PAIP2B: variants seen among roughly 807,000 people sequenced by gnomAD.
PAIP2B encodes polyadenylate-binding protein-interacting protein 2B.
PAIP2B carries 13 observed loss-of-function variants against 17.0 expected under a neutral mutation model. The ratio of observed to expected loss-of-function variants is 0.76; its 90% CI spans 0.50 to 1.22. The LOEUF (loss-of-function observed/expected upper bound fraction) is 1.22, where lower values mean the gene tolerates loss of function less well. PAIP2B is among the 50% of genes most tolerant of loss of function. The probability of loss-of-function intolerance (pLI) is 0.00; values close to 1 mark genes in which losing one functional copy is unlikely to be tolerated. For missense variants in PAIP2B, 117 were observed against 144.5 expected, an observed-to-expected ratio of 0.81 and a Z score of 0.98; for synonymous variants, 43 against 48.7, an observed-to-expected ratio of 0.88 and a Z score of 0.48.
chr2:71,209,876 G>A (rs532274283), intron 1 of PAIP2B, among the ~76,000 whole-genome samples: 99 of 151,778 alleles, frequency 6.5e-4, no homozygotes, highest in Non-Finnish European at 1.1e-3. Flanking sequence ...CCAGGCTGGA[G>A]TACAGTGGCG....
chr2:71,210,395 C>T (rs185695129), intron 1 of PAIP2B, among the ~76,000 whole-genome samples: 114 of 152,176 alleles, frequency 7.5e-4, no homozygotes, highest in African/African-American at 2.5e-3. Flanking sequence ...CATTTATTTC[C>T]AGAGCAGCTG....
intron 2 of PAIP2B, among the ~76,000 whole-genome samples, chr2:71,193,939 T>A (rs1312667139): frequency 6.6e-6 from 1 of 152,224 alleles, no homozygotes; most frequent in African/African-American, 2.4e-5. Flanking sequence ...CTTCTGCATA[T>A]GGCTAGCCGG....
chr2:71,202,552 A>C lies in PAIP2B; in HGVS notation c.38T>G (p.Val13Gly). The change falls in exon 2 of 4, where the codon GTA (valine) becomes GGA (glycine). Residue 13 changes from valine (V) to glycine (G), a missense_variant. Coordinates refer to ENST00000244221, the MANE Select transcript of PAIP2B (RefSeq NM_020459.1). ...TAACCCCTGGTCCTCTTTGGATTTTACACTCGGTGATGTATTTGCCATATT... is the reference window on the plus strand; with the variant it reads ...TAACCCCTGGTCCTCTTTGGATTTTCCACTCGGTGATGTATTTGCCATATT... ...GSNMANTSPS[V>G]KSKEDQGLSG... The C allele has an allele frequency of 6.2e-7, 1 of 1,613,674 alleles. No individual in the cohort carries two copies. The highest frequency in any genetic ancestry group is 8.5e-7 in the Non-Finnish European group (1 of 1,179,710).
chr2:71,208,315 T>TCGGA (rs769148366), intron 1 of PAIP2B, among the ~76,000 whole-genome samples: 8 of 152,120 alleles, frequency 5.3e-5, no homozygotes, highest in Admixed American at 1.3e-4. Flanking sequence ...TCCCAGCTAC[T>TCGGA]CGGAGGCTGA....
At chr2:71,193,209 T>A (rs1194027800) in intron 2 of PAIP2B, among the ~76,000 whole-genome samples, 1 of 152,260 alleles carries the variant, frequency 6.6e-6, no homozygotes, top group Non-Finnish European at 1.5e-5. Context: ...TGAGCTTTTT[T>A]TCATATGCTT....
intron 1 of PAIP2B, among the ~76,000 whole-genome samples, chr2:71,217,917 A>G (rs1182358365): frequency 6.6e-6 from 1 of 152,096 alleles, no homozygotes; most frequent in Non-Finnish European, 1.5e-5. Context: ...AAATTTTTCA[A>G]ATCTGCTGGG....
intron 1 of PAIP2B, among the ~76,000 whole-genome samples, chr2:71,207,750 G>A (rs1043026103): frequency 1.3e-5 from 2 of 152,154 alleles, no homozygotes; most frequent in Non-Finnish European, 2.9e-5. Context: ...GGGAGTCAGA[G>A]TGAGGGAAAT....
At chr2:71,198,958 T>C (rs1422674563) in intron 2 of PAIP2B, among the ~76,000 whole-genome samples, 2 of 152,214 alleles carry the variant, frequency 1.3e-5, no homozygotes, top group African/African-American at 4.8e-5. Context: ...ATGATCTTTG[T>C]TCCTATTCAT....
chr2:71,199,855 A>G (rs1277483548), intron 2 of PAIP2B, among the ~76,000 whole-genome samples: 1 of 152,196 alleles, frequency 6.6e-6, no homozygotes, highest in Non-Finnish European at 1.5e-5. Flanking sequence ...GCAAGACCCC[A>G]TTTCTTAAAA....
intron 1 of PAIP2B, among the ~76,000 whole-genome samples, chr2:71,226,046 A>C (rs541905531): frequency 4.6e-4 from 70 of 152,350 alleles, no homozygotes; most frequent in African/African-American, 1.6e-3. Context: ...AATAGTAACA[A>C]AATTTAAATC....
At chr2:71,213,454 G>A (rs576167750) in intron 1 of PAIP2B, among the ~76,000 whole-genome samples, 2 of 152,302 alleles carry the variant, frequency 1.3e-5, no homozygotes, top group Non-Finnish European at 2.9e-5. Context: ...TGAGGGACGA[G>A]GGTAAGGTCA....
intron 1 of PAIP2B, among the ~76,000 whole-genome samples, chr2:71,211,169 T>G (rs1675287272): frequency 6.6e-6 from 1 of 151,214 alleles, no homozygotes; most frequent in Non-Finnish European, 1.5e-5. Flanking sequence ...CGAGGCAGGA[T>G]AATCGCTTGA....
At chr2:71,204,347 G>A (rs1051501836) in intron 1 of PAIP2B, among the ~76,000 whole-genome samples, 1 of 152,032 alleles carries the variant, frequency 6.6e-6, no homozygotes, top group Non-Finnish European at 1.5e-5. Context: ...TTGTGAATAA[G>A]TTATTTTCTG....
intron 1 of PAIP2B, among the ~76,000 whole-genome samples, chr2:71,221,843 C>T (rs761871467): frequency 6.6e-5 from 10 of 152,066 alleles, no homozygotes; most frequent in Admixed American, 2.0e-4. Flanking sequence ...CACCAGTCAG[C>T]GCTCTGCAAA....
rs1396345045 is a variant in PAIP2B at position 71,218,972 on chromosome 2, A to G, written c.-12+7956T>C. ...ACTCTGTCACCTAGGCTGGAGTGCAATGGCGCGATCTTGGCTCACTGCAAG... is the reference window on the plus strand; with the variant it reads ...ACTCTGTCACCTAGGCTGGAGTGCAGTGGCGCGATCTTGGCTCACTGCAAG... On this transcript the variant is annotated intron_variant, in intron 1 of 3. Coordinates refer to ENST00000244221, the MANE Select transcript of PAIP2B (RefSeq NM_020459.1). 4.0e-5 allele frequency among the ~76,000 whole-genome samples: 6 copies of G among 149,970 alleles called. 1 individual carries two copies. In the South Asian group the frequency reaches 8.5e-4, roughly 21 times the overall value.
chr2:71,224,990 C>G lies in PAIP2B; in HGVS notation c.-12+1938G>C, dbSNP rs565177277. Among the ~76,000 whole-genome samples, 23 of 152,282 alleles carry G rather than the reference C, an allele frequency of 1.5e-4. No individual in the cohort carries two copies. The South Asian group carries it at 2.3e-3, about 15-fold the overall frequency. On this transcript the variant is annotated intron_variant, in intron 1 of 3. Transcript: ENST00000244221. The stretch of plus-strand genomic sequence containing the variant: ...TGTAACTCTGTCATAAACTCTTTTC[C>G]TTGTTTTAGACACCCAGACATTTGT...
intron 1 of PAIP2B, among the ~76,000 whole-genome samples, chr2:71,215,780 T>C (rs749181288): frequency 2.6e-5 from 4 of 152,214 alleles, no homozygotes; most frequent in Non-Finnish European, 5.9e-5. Flanking sequence ...CAGATATCTT[T>C]GTCTGTGCTG....
chr2:71,185,535 T>C lies in PAIP2B; in HGVS notation c.*2944A>G, dbSNP rs1674514360. The C allele has an allele frequency of 6.9e-6, 1 of 144,054 alleles. No homozygotes were observed. The highest frequency in any genetic ancestry group is 2.6e-5 in the African/African-American group (1 of 38,124). 8.9% of individuals were successfully genotyped at this position (144,054 alleles called of 1,614,324 possible). A position where few individuals can be genotyped will look rare whatever the true frequency, so the allele number is the denominator to read the frequency against. On this transcript the variant is annotated 3_prime_UTR_variant, in exon 4 of 4. Transcript: ENST00000244221. ...GTGAGCTATGGTCATACCACTGCACTCCAGCCTGGGTGACAGAGTGAGACT... is the reference window on the plus strand; with the variant it reads ...GTGAGCTATGGTCATACCACTGCACCCCAGCCTGGGTGACAGAGTGAGACT...
intron 2 of PAIP2B, among the ~76,000 whole-genome samples, chr2:71,195,779 A>C (rs1299512626): frequency 6.6e-6 from 1 of 152,140 alleles, no homozygotes; most frequent in African/African-American, 2.4e-5. Flanking sequence ...CTGGGATTAC[A>C]GGCACATGCC....
Sources: gnomAD v4.1 joint callset for allele counts (sites outside exome capture counted in the v4.1 genomes callset) on GRCh38, gnomAD v4.1.1 for gene constraint, MANE v1.5 for transcripts, NCBI Gene and HGNC (gene_info 2026-07-23, HGNC 2026-07-21) for gene names.